ADGRV1: variants seen among roughly 807,000 people sequenced by gnomAD.
ADGRV1 encodes G-protein coupled receptor 98.
In ADGRV1, 359 loss-of-function variants were observed where a neutral mutation model predicts 596.2. That is an observed-to-expected ratio of 0.60 (90% CI 0.55 to 0.66). The LOEUF (loss-of-function observed/expected upper bound fraction) is 0.66, where lower values mean the gene tolerates loss of function less well. Among genes scored for constraint, ADGRV1 ranks in the 30% least tolerant of loss-of-function variants. The pLI is 0.00. For synonymous variants in ADGRV1, 2,681 were observed against 2,679.2 expected (o/e 1.00, Z -0.02); for missense variants, 7,274 against 7,575.6 (o/e 0.96, Z 1.48).
At chr5:91,122,209 T>G (rs1034855950) in intron 87 of ADGRV1, among the ~76,000 whole-genome samples, 4 of 152,204 alleles carry the variant, frequency 2.6e-5, no homozygotes, top group Non-Finnish European at 5.9e-5. Context: ...GTTGCTTATT[T>G]GTGGAGTATG....
Position 90,692,635 on chromosome 5 carries a change from G to T in ADGRV1, c.6982G>T (p.Gly2328Cys). The change falls in exon 32 of 90, where the codon GGT becomes TGT. Residue 2328 changes from glycine (G) to cysteine (C), a missense_variant. Around this residue, in one of 5 missense-constraint regions of ADGRV1, gnomAD observed 3,643 missense variants for 3,809.2 expected, o/e 0.96. Transcript: ENST00000405460. ...VIQVQLTDAS[G>C]GGTIGLDRIA... ...CCAAGTGCAACTAACTGATGCCTCTGGTGGAGGTACTATTGGGTTAGATCG... is the reference window on the plus strand; with the variant it reads ...CCAAGTGCAACTAACTGATGCCTCTTGTGGAGGTACTATTGGGTTAGATCG... 6.2e-7 allele frequency: 1 copy of T among 1,610,536 alleles called. No individual in the cohort carries two copies. Among genetic ancestry groups the T allele is most frequent in the Non-Finnish European group, 8.5e-7 (1 of 1,178,432 alleles).
intron 26 of ADGRV1, among the ~76,000 whole-genome samples, chr5:90,680,241 TCAGGAGGCTGAGGCAAGAGCC>T (rs1580711829): frequency 6.6e-6 from 1 of 151,924 alleles, no homozygotes; most frequent in Non-Finnish European, 1.5e-5. Flanking sequence ...TACCAGCTAT[TCAGGAGGCTGAGGCAAGAGCC>T]CAGGAGGCTC....
intron 1 of ADGRV1, among the ~76,000 whole-genome samples, chr5:90,580,816 A>G (rs1169542621): frequency 6.6e-6 from 1 of 150,940 alleles, no homozygotes; most frequent in East Asian, 2.0e-4. Flanking sequence ...CCTGTTGGGG[A>G]AGTTCTCCTG....
intron 9 of ADGRV1, among the ~76,000 whole-genome samples, chr5:90,632,429 A>G (rs906721304): frequency 6.6e-6 from 1 of 152,174 alleles, no homozygotes; most frequent in African/African-American, 2.4e-5. Context: ...ATGCCTCAAA[A>G]CTAGTTTTTA....
At chr5:90,930,692 T>C (rs1445836578) in intron 83 of ADGRV1, among the ~76,000 whole-genome samples, 2 of 152,190 alleles carry the variant, frequency 1.3e-5, no homozygotes, top group African/African-American at 2.4e-5. Context: ...CTCCTTTGCT[T>C]ACCTGATAAT....
intron 1 of ADGRV1, among the ~76,000 whole-genome samples, chr5:90,565,171 A>C (rs896621793): frequency 6.6e-6 from 1 of 152,126 alleles, no homozygotes; most frequent in Non-Finnish European, 1.5e-5. Context: ...CGGGAGACAG[A>C]GGTTGCAGTG....
intron 59 of ADGRV1, among the ~76,000 whole-genome samples, chr5:90,766,922 G>A (rs555017484): frequency 6.6e-6 from 1 of 152,232 alleles, no homozygotes; most frequent in East Asian, 1.9e-4. Context: ...TCAAAAGAAG[G>A]TGGGGAAGCA....
chr5:90,862,397 T>C (rs1291664232), intron 82 of ADGRV1, among the ~76,000 whole-genome samples: 1 of 151,978 alleles, frequency 6.6e-6, no homozygotes, highest in African/African-American at 2.4e-5. Context: ...CATGCACACA[T>C]ACATGCACAG....
At chr5:90,615,110 T>C in intron 2 of ADGRV1, 91 bp downstream of exon 2, 1 of 770,976 alleles carries the variant, frequency 1.3e-6, no homozygotes. Flanking sequence ...GTTTGAGATT[T>C]TGAGCAGTTT....
chr5:90,776,213 A>AT (rs1005138683), intron 60 of ADGRV1, among the ~76,000 whole-genome samples: 40 of 151,462 alleles, frequency 2.6e-4, no homozygotes, highest in Non-Finnish European at 5.2e-4. Flanking sequence ...ATTACTGCCA[A>AT]TTTTTTTTTC....
rs1191446985 is a variant in ADGRV1 at position 90,745,129 on chromosome 5, G to A, written c.10633G>A (p.Val3545Ile). The A allele has an allele frequency of 2.5e-6, 4 of 1,613,580 alleles. No individual in the cohort carries two copies. The highest frequency in any genetic ancestry group is 1.1e-5 in the South Asian group (1 of 91,064). Residue 3545 changes from valine to isoleucine, a missense_variant, in exon 51 of 90, where the codon GTA becomes ATA. Val to Ile is a conservative substitution (Grantham distance 29). Around this residue, in one of 5 missense-constraint regions of ADGRV1, gnomAD observed 3,643 missense variants for 3,809.2 expected, o/e 0.96. Coordinates refer to ENST00000405460, the MANE Select transcript of ADGRV1 (RefSeq NM_032119.4). Reference protein sequence around the residue: ...ERNQFSFVLEVPSAYDVASVT... With the variant: ...ERNQFSFVLEIPSAYDVASVT... Reference sequence around the variant, plus strand: ...TAATCAATTCTCTTTTGTTCTGGAAGTACCTTCTGCTTATGATGTGGCTTC... The same window carrying A: ...TAATCAATTCTCTTTTGTTCTGGAAATACCTTCTGCTTATGATGTGGCTTC...
chr5:90,801,899 A>C (rs1761417199), intron 70 of ADGRV1, among the ~76,000 whole-genome samples: 1 of 152,212 alleles, frequency 6.6e-6, no homozygotes, highest in South Asian at 2.1e-4. Context: ...TGGATTCTAA[A>C]ATTTTGAAAA....
intron 85 of ADGRV1, among the ~76,000 whole-genome samples, chr5:91,034,951 T>C (rs1056692681): frequency 1.6e-4 from 25 of 152,280 alleles, no homozygotes; most frequent in African/African-American, 5.8e-4. Flanking sequence ...TGTTATTTTT[T>C]TGTAGAGACA....
At chr5:90,991,385 A>G (rs1345884796) in intron 85 of ADGRV1, among the ~76,000 whole-genome samples, 3 of 152,232 alleles carry the variant, frequency 2.0e-5, no homozygotes, top group Non-Finnish European at 2.9e-5. Flanking sequence ...TTTGATTGTA[A>G]TGAAAAAATT....
chr5:91,141,239 A>G (rs1296287898), intron 87 of ADGRV1, among the ~76,000 whole-genome samples: 1 of 152,268 alleles, frequency 6.6e-6, no homozygotes, highest in East Asian at 1.9e-4. Flanking sequence ...AATGATAGAC[A>G]TGTCTGAATC....
Position 90,651,647 on chromosome 5 carries a change from T to C in ADGRV1, c.3333T>C (p.Ile1111=), listed in dbSNP as rs767431487. The C allele has an allele frequency of 6.2e-7, 1 of 1,611,170 alleles. No individual in the cohort carries two copies. Among genetic ancestry groups the C allele is most frequent in the Non-Finnish European group, 8.5e-7 (1 of 1,177,804 alleles). The change falls in exon 18 of 90, where the codon ATT becomes ATC. Residue 1111 remains isoleucine, a synonymous_variant. Coordinates refer to ENST00000405460, the MANE Select transcript of ADGRV1 (RefSeq NM_032119.4). ...VYQYGVATVI[I]EANDDPNGIF... is the part of the protein sequence containing the mutation. ...AATATGGAGTAGCTACAGTAATAAT[T>C]GAAGCTAATGATGACCCAAATGGCA...
chr5:91,091,137 C>T (rs763163274), intron 86 of ADGRV1, among the ~76,000 whole-genome samples: 4 of 152,138 alleles, frequency 2.6e-5, no homozygotes, highest in Admixed American at 6.5e-5. Context: ...GCATTCAATG[C>T]TTGCAGCACA....
intron 82 of ADGRV1, among the ~76,000 whole-genome samples, chr5:90,861,466 T>G (rs370726214): frequency 6.6e-6 from 1 of 151,934 alleles, no homozygotes; most frequent in Non-Finnish European, 1.5e-5. Flanking sequence ...CGTGCCACCA[T>G]GCCCGGCTGA....
chr5:90,962,709 TCTC>T (rs1232643171), intron 83 of ADGRV1, among the ~76,000 whole-genome samples: 9 of 152,188 alleles, frequency 5.9e-5, no homozygotes, highest in Admixed American at 5.2e-4. Flanking sequence ...TGCTGACTAA[TCTC>T]CTGTACAGAC....
Sources: gnomAD v4.1 joint callset for allele counts (sites outside exome capture counted in the v4.1 genomes callset) on GRCh38, gnomAD v4.1.1 for gene constraint, gnomAD v4.1.1 regional missense constraint, MANE v1.5 for transcripts, NCBI Gene and HGNC (gene_info 2026-07-23, HGNC 2026-07-21) for gene names.